The following GABRR1 variants were observed in gnomAD, a reference collection of about 807,000 sequenced individuals.
GABRR1 encodes gamma-aminobutyric acid type A receptor subunit rho1.
A neutral mutation model predicts 55.5 loss-of-function variants in GABRR1; 59 were observed. The observed-to-expected ratio is 1.06, with a 90% CI of 0.86 to 1.32. The LOEUF (loss-of-function observed/expected upper bound fraction) is 1.32, where lower values mean the gene tolerates loss of function less well. Ranked by LOEUF, GABRR1 falls within the 40% of genes most tolerant of loss-of-function variation. The pLI is 0.00. For synonymous variants in GABRR1, 213 were observed against 226.0 expected, an observed-to-expected ratio of 0.94 and a Z score of 0.51; for missense variants, 602 against 619.1, an observed-to-expected ratio of 0.97 and a Z score of 0.29.
chr6:89,199,427 G>A lies in GABRR1; in HGVS notation c.283C>T (p.Pro95Ser), dbSNP rs1449117633. Residue 95 changes from proline to serine, a missense_variant and splice_region_variant, in exon 4 of 10, where the codon CCT becomes TCT. Physicochemically the swap from Pro to Ser is moderately conservative, Grantham distance 74. This residue lies in a region of GABRR1 where 435 missense variants were observed against 424.2 expected (regional missense o/e 1.03). Transcript: ENST00000454853. ...ACATCCACACCAACAGGAATGGCAG[G>A]GCCTGGGGACAGAGCATGGCAAGAG... is the stretch of plus-strand genomic sequence containing the variant. ...DFSMRPGFGG[P>S]AIPVGVDVQV... 2 of 1,613,792 alleles carry A rather than the reference G, an allele frequency of 1.2e-6. No individual in the cohort carries two copies. Among genetic ancestry groups the A allele is most frequent in the Non-Finnish European group, 1.7e-6 (2 of 1,179,860 alleles).
chr6:89,214,096 T>C (rs1772913210), intron 1 of GABRR1, among the ~76,000 whole-genome samples: 1 of 152,094 alleles, frequency 6.6e-6, no homozygotes, highest in African/African-American at 2.4e-5. Flanking sequence ...TCTTTCTTTC[T>C]CTTGTCTAAC....
At chr6:89,216,522 G>A (rs1562316179) in intron 1 of GABRR1, among the ~76,000 whole-genome samples, 1 of 152,156 alleles carries the variant, frequency 6.6e-6, no homozygotes, top group Non-Finnish European at 1.5e-5. Context: ...CATTGCCAGT[G>A]CTGCCGTCAG....
At chr6:89,198,890 C>T (rs932862671) in intron 4 of GABRR1, among the ~76,000 whole-genome samples, 14 of 151,814 alleles carry the variant, frequency 9.2e-5, no homozygotes, top group African/African-American at 3.4e-4. Flanking sequence ...TTGGTGGACC[C>T]AAACTAAGGT....
chr6:89,190,116 G>C, intron 6 of GABRR1, 49 bp downstream of exon 6: 1 of 1,313,394 alleles, frequency 7.6e-7, no homozygotes, highest in Non-Finnish European at 1.1e-6. Context: ...TAGAGGTGTT[G>C]AGAATTATCA....
At chr6:89,200,033 A>C (rs1772414429) in intron 3 of GABRR1, among the ~76,000 whole-genome samples, 1 of 152,076 alleles carries the variant, frequency 6.6e-6, no homozygotes, top group South Asian at 2.1e-4. Flanking sequence ...AAGGGAATCA[A>C]TTCCTGCCCC....
intron 1 of GABRR1, chr6:89,204,603 T>G (rs1772584884): frequency 7.9e-7 from 1 of 1,268,734 alleles, no homozygotes; most frequent in Non-Finnish European, 1.0e-6. Context: ...TACTTTGACT[T>G]TGGGCCAGCC....
At position 89,185,447 on chromosome 6, in the gene GABRR1, G is replaced by C; in HGVS notation, c.659C>G (p.Ala220Gly). The change falls in exon 7 of 10, where the codon GCC (alanine) becomes GGC (glycine). Residue 220 changes from alanine (A) to glycine (G), a missense_variant. By Grantham distance (60) the Ala-to-Gly change is moderately conservative. Coordinates refer to ENST00000454853, the MANE Select transcript of GABRR1 (RefSeq NM_002042.5). The part of the protein sequence containing the change: ...QTCSLEIESY[A>G]YTEDDLMLYW... Reference sequence around the variant, plus strand: ...CAGCATGAGGTCATCTTCTGTATAGGCATCTGAAAAGACAGGGGCCAGCAT... The same window carrying C: ...CAGCATGAGGTCATCTTCTGTATAGCCATCTGAAAAGACAGGGGCCAGCAT... 6.2e-7 allele frequency: 1 copy of C among 1,613,270 alleles called. No individual in the cohort carries two copies. Among genetic ancestry groups the C allele is most frequent in the Non-Finnish European group, 8.5e-7 (1 of 1,179,326 alleles).
rs117530010 is a variant in GABRR1, at chr6:89,189,142, G to T, written c.655+1023C>A. ...CTTCCCTTCCCCAAGCAGTTACCCTGATTCAACAGAACAAAGTTTAAAACC... is the reference window on the plus strand; with the variant it reads ...CTTCCCTTCCCCAAGCAGTTACCCTTATTCAACAGAACAAAGTTTAAAACC... On this transcript the variant is annotated intron_variant, in intron 6 of 9. Coordinates refer to ENST00000454853, the MANE Select transcript of GABRR1 (RefSeq NM_002042.5). Among the ~76,000 whole-genome samples, 110 of 152,128 alleles carry T rather than the reference G, an allele frequency of 7.2e-4. 3 individuals are homozygous for T. In the East Asian group the frequency reaches 0.019, roughly 26 times the overall value.
In GABRR1 at chr6:89,204,612, C is replaced by T. The variant is rs531371376; in HGVS notation, c.123-1127G>A. On this transcript the variant is annotated intron_variant, in intron 1 of 9. Transcript: ENST00000454853. ...AGCTCTTACTTTGACTTTGGGCCAG[C>T]CTGAAATGGAACCAGTCACTGATGA... 165 of 1,270,264 alleles carry T rather than the reference C, an allele frequency of 1.3e-4. No homozygotes were observed. The African/African-American group carries it at 2.0e-3, about 16-fold the overall frequency. 78.7% of individuals were successfully genotyped at this position (1,270,264 alleles called of 1,614,324 possible). A position where few individuals can be genotyped will look rare whatever the true frequency, so the allele number is the denominator to read the frequency against.
chr6:89,216,417 T>C (rs1772982812), intron 1 of GABRR1, among the ~76,000 whole-genome samples: 1 of 152,204 alleles, frequency 6.6e-6, no homozygotes, highest in Non-Finnish European at 1.5e-5. Context: ...CTGTCTCCAT[T>C]TCCTCATCAG....
At chr6:89,192,467 T>C (rs1186437931) in intron 5 of GABRR1, among the ~76,000 whole-genome samples, 1 of 152,054 alleles carries the variant, frequency 6.6e-6, no homozygotes, top group Admixed American at 6.5e-5. Context: ...GAAGGCCCAC[T>C]CACGGAATGC....
chr6:89,212,592 G>A (rs1772863642), intron 1 of GABRR1, among the ~76,000 whole-genome samples: 1 of 152,222 alleles, frequency 6.6e-6, no homozygotes, highest in East Asian at 1.9e-4. Context: ...GGCCCATAGT[G>A]TAGACAAGTT....
intron 3 of GABRR1, among the ~76,000 whole-genome samples, chr6:89,200,241 CTTTTTTTTT>C (rs10603486): frequency 2.3e-5 from 2 of 86,362 alleles, no homozygotes; most frequent in Non-Finnish European, 4.2e-5. Context: ...TTCTTTTTCC[CTTTTTTTTT>C]TTTTTTTTTT....
chr6:89,201,306 C>A, intron 2 of GABRR1, 41 bp from the exon 3 acceptor site: 1 of 1,342,636 alleles, frequency 7.4e-7, no homozygotes. Context: ...TATATTCCAA[C>A]CAAGACAAAT....
intron 6 of GABRR1, among the ~76,000 whole-genome samples, chr6:89,186,461 G>A (rs1771904891): frequency 6.6e-6 from 1 of 152,174 alleles, no homozygotes. Context: ...GCCCCAGAGT[G>A]CCCCTCCTGC....
rs976617274 is a variant in GABRR1, at chr6:89,230,732, C to T, written c.-411+484G>A. Among the ~76,000 whole-genome samples, 10 of 151,752 alleles carry T rather than the reference C, an allele frequency of 6.6e-5. 1 individual carries two copies. The highest frequency in any genetic ancestry group is 1.2e-4 in the African/African-American group (5 of 41,322). ...TGTCTTTTTGTTTGTCTGTGCCCTG[C>T]CCCCAGAGGTGGAGCCTACAGTGGC... is the stretch of plus-strand genomic sequence containing the variant. On this transcript the variant is annotated intron_variant, in intron 1 of 11. Coordinates refer to the GABRR1 transcript ENST00000369451.
Position 89,198,180 on chromosome 6 carries a change from T to G in GABRR1, c.412A>C (p.Thr138Pro). The G allele has an allele frequency of 6.2e-7, 1 of 1,614,040 alleles. No homozygotes were observed. The highest frequency in any genetic ancestry group is 1.1e-5 in the South Asian group (1 of 91,072). ...WKDERLSFPSTNNLSMTFDGR... is the reference protein window; with the variant it reads ...WKDERLSFPSPNNLSMTFDGR... ...TCAAACGTCATGCTGAGGTTGTTGG[T>G]GCTTGGAAAAGACAGCCTCTCGTCC... Residue 138 changes from threonine to proline, a missense_variant, in exon 5 of 10, where the codon ACC becomes CCC. By Grantham distance (38) the Thr-to-Pro change is conservative. Around this residue, in one of 3 missense-constraint regions of GABRR1, gnomAD observed 435 missense variants for 424.2 expected, o/e 1.03. Coordinates refer to ENST00000454853, the MANE Select transcript of GABRR1 (RefSeq NM_002042.5).
chr6:89,213,478 A>G (rs74935546), intron 1 of GABRR1, among the ~76,000 whole-genome samples: 10,089 of 152,282 alleles, frequency 0.066, 460 homozygotes, highest in South Asian at 0.1. Flanking sequence ...GTGCCATTTG[A>G]TCCAGAACAC....
intron 1 of GABRR1, among the ~76,000 whole-genome samples, 162 bp from the exon 2 acceptor site, chr6:89,203,647 T>C (rs930655408): frequency 1.3e-5 from 2 of 152,174 alleles, no homozygotes; most frequent in Non-Finnish European, 2.9e-5. Context: ...TAGCCTCTTG[T>C]TGAGCATTTT....
Sources: allele counts gnomAD v4.1 joint callset (sites outside exome capture counted in the v4.1 genomes callset), GRCh38; gene constraint gnomAD v4.1.1; regional missense constraint gnomAD v4.1.1; transcripts MANE v1.5; gene names NCBI Gene and HGNC (gene_info 2026-07-23, HGNC 2026-07-21).